Variants in GLI2 observed in about 807,000 individuals in gnomAD.
GLI2 encodes the protein transcription activator GLI2.
In GLI2, 22 loss-of-function variants were observed where a neutral mutation model predicts 78.9. The ratio of observed to expected loss-of-function variants is 0.28; its 90% CI spans 0.20 to 0.40. The LOEUF (loss-of-function observed/expected upper bound fraction) is 0.40, where lower values mean the gene tolerates loss of function less well. Among genes scored for constraint, GLI2 ranks in the 10% least tolerant of loss-of-function variants. The pLI, the probability that GLI2 is intolerant of heterozygous loss-of-function variation, is 1.00. For missense variants in GLI2, 2,097 were observed against 2,213.2 expected, an observed-to-expected ratio of 0.95 and a Z score of 1.05; for synonymous variants, 974 against 963.7, an observed-to-expected ratio of 1.01 and a Z score of -0.20.
chr2:120,819,262 G>A (rs910343496), intron 2 of GLI2, among the ~76,000 whole-genome samples: 8 of 88,014 alleles, frequency 9.1e-5, no homozygotes, highest in Admixed American at 1.2e-4. Context: ...TTTTTTTTGA[G>A]ATGGAGTCAC....
At chr2:120,971,906 CT>C (rs764385900) in intron 7 of GLI2, 34 bp from the exon 8 acceptor site, 2 of 1,610,980 alleles carry the variant, frequency 1.2e-6, no homozygotes, top group East Asian at 4.5e-5. Flanking sequence ...TGCCCTGCCC[CT>C]GAGTAACAGA....
intron 2 of GLI2, among the ~76,000 whole-genome samples, chr2:120,926,853 A>G (rs1310826520): frequency 1.3e-5 from 2 of 152,216 alleles, no homozygotes; most frequent in Admixed American, 1.3e-4. Context: ...ACGGGACAGC[A>G]GTTGGGTGGG....
chr2:120,867,794 CG>C (rs1005731064), intron 2 of GLI2, among the ~76,000 whole-genome samples: 21 of 149,970 alleles, frequency 1.4e-4, no homozygotes, highest in African/African-American at 5.2e-4. Context: ...GGGCCTCAGG[CG>C]GGGGGAGCTG....
chr2:120,876,269 GCCA>G (rs1688738059), intron 2 of GLI2, among the ~76,000 whole-genome samples: 1 of 152,182 alleles, frequency 6.6e-6, no homozygotes, highest in East Asian at 1.9e-4. Context: ...GTGAACCCAG[GCCA>G]CGGAGCTTGC....
At chr2:120,930,481 T>C (rs1345272086) in intron 3 of GLI2, among the ~76,000 whole-genome samples, 3 of 152,316 alleles carry the variant, frequency 2.0e-5, no homozygotes, top group Middle Eastern at 3.4e-3. Flanking sequence ...CTGGCCTTTC[T>C]TGTGGGAGCG....
At chr2:120,816,230 G>A (rs561029788) in intron 2 of GLI2, among the ~76,000 whole-genome samples, 60 of 143,554 alleles carry the variant, frequency 4.2e-4, no homozygotes, top group Non-Finnish European at 5.7e-4. Context: ...TCGCTGTGTC[G>A]CCCAGACTGG....
chr2:120,987,176 C>T (rs1231073194), intron 13 of GLI2, among the ~76,000 whole-genome samples: 1 of 152,212 alleles, frequency 6.6e-6, no homozygotes, highest in Non-Finnish European at 1.5e-5. Context: ...TGGCCAGGCT[C>T]TGAGATGGAA....
intron 5 of GLI2, among the ~76,000 whole-genome samples, chr2:120,965,364 G>A (rs1314417539): frequency 1.4e-5 from 2 of 142,320 alleles, no homozygotes; most frequent in African/African-American, 6.0e-5. Context: ...CTCCAGCCGG[G>A]ATGCAGATGC....
intron 2 of GLI2, among the ~76,000 whole-genome samples, chr2:120,835,346 G>A (rs1279711782): frequency 1.3e-5 from 2 of 151,012 alleles, no homozygotes; most frequent in African/African-American, 2.4e-5. Flanking sequence ...CAGGTGAGGC[G>A]TCAGTCCTCC....
intron 2 of GLI2, among the ~76,000 whole-genome samples, chr2:120,850,058 G>A (rs1224514286): frequency 1.3e-5 from 2 of 152,252 alleles, no homozygotes; most frequent in African/African-American, 4.8e-5. Context: ...CAATACAAAG[G>A]CAGGTGATGG....
Position 120,992,208 on chromosome 2 carries a change from C to T in GLI2, c.*1533C>T, listed in dbSNP as rs933485620. ...CTGGGCTCGCTGCGTCCCAGCACAT[C>T]AAACTCTGTCCAGAGACAAGGCCAA... is the stretch of plus-strand genomic sequence containing the variant. On this transcript the variant is annotated 3_prime_UTR_variant, in exon 14 of 14. Coordinates refer to ENST00000361492, the MANE Select transcript of GLI2 (RefSeq NM_001374353.1). 7 of 152,558 alleles carry T rather than the reference C, an allele frequency of 4.6e-5. No individual in the cohort carries two copies. Among genetic ancestry groups the T allele is most frequent in the African/African-American group, 1.7e-4 (7 of 41,426 alleles). 9.5% of individuals were successfully genotyped at this position (152,558 alleles called of 1,614,324 possible).
Position 120,771,778 on chromosome 2 carries a change from T to A in GLI2, c.-30-25513T>A, listed in dbSNP as rs1006946362. 9.2e-5 allele frequency among the ~76,000 whole-genome samples: 14 copies of A among 152,332 alleles called. No homozygotes were observed. The East Asian group carries it at 2.5e-3, about 27-fold the overall frequency. On this transcript the variant is annotated intron_variant, in intron 1 of 13. Transcript: ENST00000361492. Reference sequence around the variant, plus strand: ...GTCTTCTGCCTTCCAGAGGGGCCACTGGGCTTGCTGGACCAGGACTCCTCA... The same window carrying A: ...GTCTTCTGCCTTCCAGAGGGGCCACAGGGCTTGCTGGACCAGGACTCCTCA...
chr2:120,950,495 C>T (rs906502808), intron 3 of GLI2, among the ~76,000 whole-genome samples: 8 of 152,072 alleles, frequency 5.3e-5, no homozygotes, highest in Non-Finnish European at 1.0e-4. Context: ...TCTTGGTGGG[C>T]GGACTTGGGG....
chr2:120,816,258 C>T (rs1297079026), intron 2 of GLI2, among the ~76,000 whole-genome samples: 2 of 143,824 alleles, frequency 1.4e-5, no homozygotes, highest in Non-Finnish European at 3.0e-5. Context: ...TGCAGTGGTG[C>T]GATCTCAGTT....
intron 2 of GLI2, among the ~76,000 whole-genome samples, chr2:120,886,505 G>C (rs1197097474): frequency 6.6e-6 from 1 of 152,144 alleles, no homozygotes; most frequent in Non-Finnish European, 1.5e-5. Context: ...GGACTCAAGT[G>C]ATACTCCCAC....
intron 1 of GLI2, among the ~76,000 whole-genome samples, chr2:120,789,156 T>C (rs1014908069): frequency 1.3e-5 from 2 of 149,472 alleles, no homozygotes; most frequent in African/African-American, 5.0e-5. Flanking sequence ...CTCAGCCTCC[T>C]CAGTAGCTGG....
At chr2:120,796,768 A>C (rs1684416317) in intron 1 of GLI2, among the ~76,000 whole-genome samples, 2 of 152,232 alleles carry the variant, frequency 1.3e-5, no homozygotes, top group African/African-American at 4.8e-5. Context: ...CTAGGGGCTT[A>C]AAAATATGTT....
intron 5 of GLI2, among the ~76,000 whole-genome samples, chr2:120,957,458 G>A (rs984837138): frequency 4.6e-5 from 7 of 152,232 alleles, no homozygotes; most frequent in Non-Finnish European, 1.5e-5. Context: ...TGCTAGACAC[G>A]CTCCTTGCCA....
chr2:120,893,981 G>A (rs1479299014), intron 2 of GLI2, among the ~76,000 whole-genome samples: 1 of 152,200 alleles, frequency 6.6e-6, no homozygotes, highest in East Asian at 1.9e-4. Context: ...CCTGACCCCT[G>A]CCCCTCCCAA....
Sources: gnomAD v4.1 joint callset for allele counts (sites outside exome capture counted in the v4.1 genomes callset) on GRCh38, gnomAD v4.1.1 for gene constraint, MANE v1.5 for transcripts, NCBI Gene and HGNC (gene_info 2026-07-23, HGNC 2026-07-21) for gene names.